CEP43: variants seen among roughly 807,000 people sequenced by gnomAD.
CEP43 encodes the protein FGFR1 oncogene partner.
Under a neutral mutation model 52.6 loss-of-function variants are expected in CEP43, and 36 were observed. That is an observed-to-expected ratio of 0.68 (90% CI 0.52 to 0.90). The LOEUF (loss-of-function observed/expected upper bound fraction) is 0.90, where lower values mean the gene tolerates loss of function less well. Among genes scored for constraint, CEP43 ranks in the 40% least tolerant of loss-of-function variants. CEP43 has a pLI of 0.00. For synonymous variants in CEP43, 192 were observed against 172.4 expected, an observed-to-expected ratio of 1.11 and a Z score of -0.89; for missense variants, 506 against 472.8, an observed-to-expected ratio of 1.07 and a Z score of -0.65.
chr6:167,008,676 C>T (rs1211454151), intron 5 of CEP43, among the ~76,000 whole-genome samples: 6 of 151,820 alleles, frequency 4.0e-5, no homozygotes, highest in African/African-American at 7.3e-5. Flanking sequence ...GGGGTTTCAC[C>T]GTGTTAGCCA....
rs1453240988 is a variant in CEP43, at chr6:167,052,654, C to T, written c.*12676C>T. 1.3e-5 allele frequency: 2 copies of T among 152,212 alleles called. No homozygotes were observed. Among genetic ancestry groups the T allele is most frequent in the Non-Finnish European group, 2.9e-5 (2 of 68,034 alleles). The allele number at this position is 152,212 out of a possible 1,614,324, so 9.4% of individuals were successfully genotyped here. Reference sequence around the variant, plus strand: ...CGATAGTCAAATACTGTTCCACTTACTGCAGTTGCCTACAGTCTGGGTTTT... The same window carrying T: ...CGATAGTCAAATACTGTTCCACTTATTGCAGTTGCCTACAGTCTGGGTTTT... On this transcript the variant is annotated 3_prime_UTR_variant, in exon 13 of 13. Coordinates refer to ENST00000366847, the MANE Select transcript of CEP43 (RefSeq NM_007045.4).
chr6:167,027,535 T>G (rs9459846), intron 10 of CEP43, among the ~76,000 whole-genome samples: 63,816 of 151,890 alleles, frequency 0.42, 13,636 homozygotes, highest in Non-Finnish European at 0.47. Context: ...GTGTCCCCAT[T>G]TGCTTTTAAA....
chr6:166,999,856 T>A (rs1779689121), intron 1 of CEP43: 2 of 580,102 alleles, frequency 3.4e-6, no homozygotes, highest in Non-Finnish European at 6.1e-6. Context: ...TCGGGCATGA[T>A]CCGCGGCGGG....
intron 5 of CEP43, 39 bp downstream of exon 5, chr6:167,004,440 A>G (rs373877546): frequency 4.0e-5 from 62 of 1,545,532 alleles, no homozygotes; most frequent in Non-Finnish European, 5.1e-5. Context: ...TATTTTAATT[A>G]TTGGCTGCTT....
intron 1 of CEP43, chr6:166,999,852 A>G (rs1050250053): frequency 3.4e-6 from 2 of 580,754 alleles, no homozygotes; most frequent in Non-Finnish European, 6.1e-6. Flanking sequence ...AGGCTCGGGC[A>G]TGATCCGCGG....
At chr6:167,016,591 T>A (rs78657984) in intron 7 of CEP43, among the ~76,000 whole-genome samples, 3,089 of 152,226 alleles carry the variant, frequency 0.02, 53 homozygotes, top group East Asian at 0.092. Context: ...AACTAACATG[T>A]ATTGAGATGC....
intron 6 of CEP43, chr6:167,011,732 C>A: frequency 6.5e-6 from 1 of 152,970 alleles, no homozygotes; most frequent in South Asian, 2.0e-4. Flanking sequence ...GTGGTTAGGT[C>A]TGGTGAGGTC....
intron 8 of CEP43, 97 bp downstream of exon 8, chr6:167,022,732 A>G: frequency 1.2e-6 from 1 of 815,066 alleles, no homozygotes; most frequent in Non-Finnish European, 1.9e-6. Flanking sequence ...TGGAAGGTTT[A>G]TAATTATTGG....
intron 5 of CEP43, among the ~76,000 whole-genome samples, chr6:167,010,214 C>A (rs966906868): frequency 6.6e-6 from 1 of 152,314 alleles, no homozygotes; most frequent in African/African-American, 2.4e-5. Context: ...TAAAAACCTC[C>A]TCCTTGGCAT....
intron 6 of CEP43, among the ~76,000 whole-genome samples, chr6:167,011,959 A>G (rs1409965371): frequency 2.6e-5 from 4 of 152,202 alleles, no homozygotes; most frequent in Non-Finnish European, 5.9e-5. Flanking sequence ...ACAAACCTGC[A>G]GTCCATGACA....
rs574158170 is a variant in CEP43, at chr6:167,020,940, C to T, written c.580-1469C>T. 2.7e-5 allele frequency among the ~76,000 whole-genome samples: 4 copies of T among 145,796 alleles called. No homozygotes were observed. The East Asian group carries it at 6.0e-4, about 22-fold the overall frequency. ...AAAAAAAAAAAAAAAAAAGATTATA[C>T]GACTGGGTGTAGTTTGTGCTTGTAA... On this transcript the variant is annotated intron_variant, in intron 7 of 12. Transcript: ENST00000366847.
At chr6:167,009,346 C>T (rs534972217) in intron 5 of CEP43, among the ~76,000 whole-genome samples, 1 of 151,598 alleles carries the variant, frequency 6.6e-6, no homozygotes, top group Non-Finnish European at 1.5e-5. Context: ...CCTCTGTCTA[C>T]TAAAACCACA....
chr6:167,003,615 A>C lies in CEP43; in HGVS notation c.212-108A>C, dbSNP rs1021891150. The C allele has an allele frequency of 1.3e-4, 90 of 668,300 alleles. 1 individual carries two copies. In the Middle Eastern group the frequency reaches 1.9e-3, roughly 14 times the overall value. 41.4% of individuals were successfully genotyped at this position (668,300 alleles called of 1,614,324 possible). On this transcript the variant is annotated intron_variant, in intron 3 of 12. Transcript: ENST00000366847. ...AAAGAGGAAATTTGTAACTTAAAAAATTTAGAAACCTTTCTTCCATTAATT... is the reference window on the plus strand; with the variant it reads ...AAAGAGGAAATTTGTAACTTAAAAACTTTAGAAACCTTTCTTCCATTAATT...
At chr6:167,021,843 G>T (rs2128663806) in intron 7 of CEP43, among the ~76,000 whole-genome samples, 1 of 152,302 alleles carries the variant, frequency 6.6e-6, no homozygotes, top group South Asian at 2.1e-4. Flanking sequence ...AATATGAGTG[G>T]TTGAAGGCAG....
chr6:167,016,025 C>T, intron 7 of CEP43, among the ~76,000 whole-genome samples: 1 of 150,922 alleles, frequency 6.6e-6, no homozygotes, highest in Admixed American at 6.6e-5. Context: ...TAATTTATCT[C>T]ATTGTATTCC....
intron 7 of CEP43, among the ~76,000 whole-genome samples, chr6:167,015,943 G>A (rs112804660): frequency 0.024 from 3,594 of 151,802 alleles, 127 homozygotes; most frequent in African/African-American, 0.08. Context: ...AAATGAGAGG[G>A]CATTTTAAAA....
rs1780719394 is a variant in CEP43 at position 167,042,420 on chromosome 6, T to A, written c.*2442T>A. ...AAGCATTTATTCTCTTTGTTGATAT[T>A]CGGTTGTGCTTTTATACTTTATGTT... On this transcript the variant is annotated 3_prime_UTR_variant, in exon 13 of 13. Coordinates refer to ENST00000366847, the MANE Select transcript of CEP43 (RefSeq NM_007045.4). The A allele has an allele frequency of 1.1e-6, 1 of 949,336 alleles. No individual in the cohort carries two copies. The highest frequency in any genetic ancestry group is 1.8e-5 in the African/African-American group (1 of 56,778). 58.8% of individuals were successfully genotyped at this position (949,336 alleles called of 1,614,324 possible).
chr6:166,999,895 G>T lies in CEP43; in HGVS notation c.103-165G>T, dbSNP rs746322535. 8.9e-4 allele frequency: 525 copies of T among 590,258 alleles called. 1 individual carries two copies. The highest frequency in any genetic ancestry group is 4.3e-3 in the Middle Eastern group (16 of 3,758). The allele number at this position is 590,258 out of a possible 1,614,324, so 36.6% of individuals were successfully genotyped here. ...GCAGCGCGTCCAGCCGAAGCCTGGG[G>T]GTCGGAGAGCTTGTGTGACTGAGAA... is the stretch of plus-strand genomic sequence containing the variant. On this transcript the variant is annotated intron_variant, in intron 1 of 12. Transcript: ENST00000366847.
intron 1 of CEP43, 126 bp downstream of exon 1, chr6:166,999,640 G>T (rs1183694237): frequency 3.2e-6 from 2 of 619,788 alleles, no homozygotes; most frequent in South Asian, 6.6e-5. Context: ...GGCACTGGGG[G>T]CGCGCCCCGG....
Sources: allele counts gnomAD v4.1 joint callset (sites outside exome capture counted in the v4.1 genomes callset), GRCh38; gene constraint gnomAD v4.1.1; transcripts MANE v1.5; gene names NCBI Gene and HGNC (gene_info 2026-07-23, HGNC 2026-07-21).